Variants in EFCAB14 observed in about 807,000 individuals in gnomAD.
EFCAB14 encodes the protein EF-hand calcium-binding domain-containing protein 14.
A neutral mutation model predicts 56.5 loss-of-function variants in EFCAB14; 43 were observed. That is an observed-to-expected ratio of 0.76 (90% confidence interval 0.60 to 0.98). EFCAB14 has a LOEUF of 0.98. Among genes scored for constraint, EFCAB14 ranks in the 50% least tolerant of loss-of-function variants. The probability of loss-of-function intolerance (pLI) is 0.00; values close to 1 mark genes in which losing one functional copy is unlikely to be tolerated. For synonymous variants in EFCAB14, 235 were observed against 212.9 expected (o/e 1.10, Z -0.90); for missense variants, 538 against 580.3 (o/e 0.93, Z 0.75).
At chr1:46,682,419 G>A (rs891021354) in intron 10 of EFCAB14, among the ~76,000 whole-genome samples, 22 of 152,178 alleles carry the variant, frequency 1.4e-4, no homozygotes, top group Admixed American at 1.4e-3. Context: ...TGCACTGCTG[G>A]AAGCAGTGCA....
chr1:46,718,091 T>G lies in EFCAB14; in HGVS notation c.-4A>C, dbSNP rs1267044407. ...TGAGCTCTTTGCGCTTTTTCATCTTTTTGTGTGGGGTGAGTGGAGCCCCGA... is the reference window on the plus strand; with the variant it reads ...TGAGCTCTTTGCGCTTTTTCATCTTGTTGTGTGGGGTGAGTGGAGCCCCGA... On this transcript the variant is annotated 5_prime_UTR_variant, in exon 1 of 11. Coordinates refer to ENST00000371933, the MANE Select transcript of EFCAB14 (RefSeq NM_014774.3). 9.9e-6 allele frequency: 16 copies of G among 1,613,372 alleles called. No individual in the cohort carries two copies. The highest frequency in any genetic ancestry group is 1.3e-5 in the Non-Finnish European group (15 of 1,179,580).
chr1:46,700,023 C>T (rs544180462), intron 3 of EFCAB14, among the ~76,000 whole-genome samples: 20 of 152,172 alleles, frequency 1.3e-4, no homozygotes, highest in Non-Finnish European at 2.4e-4. Context: ...TGAGGAACCT[C>T]CAGCCCCAGT....
At chr1:46,716,652 A>G (rs1305356170) in intron 1 of EFCAB14, among the ~76,000 whole-genome samples, 1 of 152,240 alleles carries the variant, frequency 6.6e-6, no homozygotes, top group Non-Finnish European at 1.5e-5. Context: ...CAAATGTCAC[A>G]TAAAACAGAA....
At chr1:46,704,607 T>C (rs1335518240) in intron 3 of EFCAB14, among the ~76,000 whole-genome samples, 3 of 152,150 alleles carry the variant, frequency 2.0e-5, no homozygotes, top group Non-Finnish European at 2.9e-5. Context: ...GCTGGTGCCT[T>C]ATCTTGGACT....
chr1:46,717,464 T>C (rs1045120058), intron 1 of EFCAB14, among the ~76,000 whole-genome samples: 3 of 152,284 alleles, frequency 2.0e-5, no homozygotes, highest in Admixed American at 2.0e-4. Context: ...CTTCCTACAG[T>C]ATATCTCTCA....
In EFCAB14 at chr1:46,686,818, T is replaced by C. The variant is rs1057462119; in HGVS notation, c.1040A>G (p.Asn347Ser). 3.1e-6 allele frequency: 5 copies of C among 1,613,760 alleles called. No homozygotes were observed. The African/African-American group carries it at 6.7e-5, about 22-fold the overall frequency. The change falls in exon 8 of 11, where the codon AAC (asparagine) becomes AGC (serine). Residue 347 changes from asparagine to serine, a missense_variant. By Grantham distance (46) the Asn-to-Ser change is conservative (BLOSUM62 1). Transcript: ENST00000371933. ...LKRQSLDQVT[N>S]RTDTVKIQSI... ...TTGGATTTTTACTGTATCTGTTCTG[T>C]TGGTGACTTGATCCAAAGACTGTCT...
chr1:46,694,057 C>T (rs1183277789), intron 4 of EFCAB14, among the ~76,000 whole-genome samples: 1 of 152,198 alleles, frequency 6.6e-6, no homozygotes, highest in African/African-American at 2.4e-5. Flanking sequence ...CCCTTCCTTA[C>T]ACCTTATACA....
Position 46,686,778 on chromosome 1 carries a change from A to G in EFCAB14, c.1074+6T>C. The G allele has an allele frequency of 6.2e-7, 1 of 1,613,116 alleles. No homozygotes were observed. Among genetic ancestry groups the G allele is most frequent in the Non-Finnish European group, 8.5e-7 (1 of 1,179,406 alleles). On this transcript the variant is annotated splice_donor_region_variant and intron_variant, in intron 8 of 10. Transcript: ENST00000371933. ...TTTACTTCAGGGTAAGCCTCCCATT[A>G]TTTACCTTTATGCTTTGGATTTTTA...
chr1:46,689,193 A>C (rs1676938554), intron 6 of EFCAB14, among the ~76,000 whole-genome samples: 1 of 152,162 alleles, frequency 6.6e-6, no homozygotes, highest in Non-Finnish European at 1.5e-5. Context: ...CTGATTTTCA[A>C]GGATATGCTT....
intron 9 of EFCAB14, 80 bp from the exon 10 acceptor site, chr1:46,683,505 G>T: frequency 2.1e-6 from 3 of 1,403,036 alleles, no homozygotes; most frequent in East Asian, 2.4e-5. Flanking sequence ...TCACCTTTTA[G>T]GAAAATTGGA....
At chr1:46,717,071 G>GT (rs1677408276) in intron 1 of EFCAB14, among the ~76,000 whole-genome samples, 1 of 152,186 alleles carries the variant, frequency 6.6e-6, no homozygotes, top group Admixed American at 6.5e-5. Context: ...TCTGATGAAG[G>GT]TAACACTTCA....
At chr1:46,702,945 G>C (rs1196871053) in intron 3 of EFCAB14, among the ~76,000 whole-genome samples, 1 of 152,000 alleles carries the variant, frequency 6.6e-6, no homozygotes. Flanking sequence ...AAAATTCCCT[G>C]AACACACCAT....
At chr1:46,692,016 T>G in intron 4 of EFCAB14, 79 bp from the exon 5 acceptor site, 1 of 1,009,520 alleles carries the variant, frequency 9.9e-7, no homozygotes, top group Non-Finnish European at 1.4e-6. Flanking sequence ...TATTCAAAAA[T>G]GTATAATTTG....
rs1676704077 is a variant in EFCAB14 at position 46,676,881 on chromosome 1, A to C, written c.*1580T>G. The C allele has an allele frequency of 6.6e-6, 1 of 152,432 alleles. No individual in the cohort carries two copies. The highest frequency in any genetic ancestry group is 2.4e-5 in the African/African-American group (1 of 41,406). 9.4% of individuals were successfully genotyped at this position (152,432 alleles called of 1,614,324 possible). ...TGAACATCATGTAAAGAAAAAAAAA[A>C]CAGCCCTTAAATGTTTAAGGGTACC... On this transcript the variant is annotated 3_prime_UTR_variant, in exon 11 of 11. Coordinates refer to ENST00000371933, the MANE Select transcript of EFCAB14 (RefSeq NM_014774.3).
chr1:46,713,995 G>C (rs1677349172), intron 2 of EFCAB14, among the ~76,000 whole-genome samples: 1 of 152,132 alleles, frequency 6.6e-6, no homozygotes, highest in Non-Finnish European at 1.5e-5. Flanking sequence ...GGTAATCCAG[G>C]TTAGGATTCT....
At chr1:46,707,862 A>C in intron 3 of EFCAB14, 44 bp downstream of exon 3, 1 of 1,583,448 alleles carries the variant, frequency 6.3e-7, no homozygotes, top group East Asian at 2.2e-5. Flanking sequence ...AAACAACCAA[A>C]CAAATATTCA....
intron 3 of EFCAB14, among the ~76,000 whole-genome samples, chr1:46,700,381 A>G (rs1202510098): frequency 6.6e-6 from 1 of 152,220 alleles, no homozygotes; most frequent in African/African-American, 2.4e-5. Flanking sequence ...AATCATCAAC[A>G]TTGTAACTCT....
In EFCAB14 at chr1:46,683,479, A is replaced by G. The variant is rs978656349; in HGVS notation, c.1187-54T>C. On this transcript the variant is annotated intron_variant, in intron 9 of 10. Coordinates refer to ENST00000371933, the MANE Select transcript of EFCAB14 (RefSeq NM_014774.3). ...GTATTATTGAATCTAACACCAAATT[A>G]AACTAGTATCGAAGGTCACCTTTTA... 3 of 1,562,800 alleles carry G rather than the reference A, an allele frequency of 1.9e-6. No individual in the cohort carries two copies. The African/African-American group carries it at 4.1e-5, about 21-fold the overall frequency.
At chr1:46,709,911 C>T (rs1177590727) in intron 2 of EFCAB14, among the ~76,000 whole-genome samples, 2 of 152,094 alleles carry the variant, frequency 1.3e-5, no homozygotes, top group African/African-American at 4.8e-5. Context: ...TCATTTGAAC[C>T]TGGGAGGTGG....
Sources: gnomAD v4.1 joint callset for allele counts (sites outside exome capture counted in the v4.1 genomes callset) on GRCh38, gnomAD v4.1.1 for gene constraint, MANE v1.5 for transcripts, NCBI Gene and HGNC (gene_info 2026-07-23, HGNC 2026-07-21) for gene names.